Variants in DCC observed in about 807,000 individuals in gnomAD.
DCC encodes DCC netrin 1 receptor, also known as netrin receptor DCC.
Under a neutral mutation model 172.5 loss-of-function variants are expected in DCC, and 58 were observed. The observed-to-expected ratio is 0.34, with a 90% CI of 0.27 to 0.42. DCC has a LOEUF of 0.42. DCC is among the 10% of genes least tolerant of loss of function. The pLI, the probability that DCC is intolerant of heterozygous loss-of-function variation, is 1.00. For synonymous variants in DCC, 709 were observed against 644.5 expected, an observed-to-expected ratio of 1.10 and a Z score of -1.52; for missense variants, 1,740 against 1,791.0, an observed-to-expected ratio of 0.97 and a Z score of 0.51.
intron 28 of DCC, among the ~76,000 whole-genome samples, chr18:53,527,332 C>T (rs1027851015): frequency 2.0e-5 from 3 of 151,584 alleles, no homozygotes; most frequent in African/African-American, 7.3e-5. Context: ...AGTTCTCCTG[C>T]CTCAATTTCC....
In DCC at chr18:52,750,583, T is replaced by G. The variant is rs997560033; in HGVS notation, c.92-1471T>G. Among the ~76,000 whole-genome samples the G allele has an allele frequency of 2.8e-4, 42 of 152,286 alleles. 1 individual carries two copies. Among genetic ancestry groups the G allele is most frequent in the Non-Finnish European group, 4.6e-4 (31 of 68,014 alleles). ...GACAGTGAGCGACACAAGACATCAT[T>G]GGGCAGAATAACAGACTTCAAACGT... On this transcript the variant is annotated intron_variant, in intron 1 of 28. Coordinates refer to ENST00000442544, the MANE Select transcript of DCC (RefSeq NM_005215.4).
intron 5 of DCC, among the ~76,000 whole-genome samples, chr18:53,018,638 T>G (rs1191953659): frequency 6.6e-6 from 1 of 152,290 alleles, no homozygotes; most frequent in East Asian, 1.9e-4. Context: ...GGGTTTATTA[T>G]GTTGCATAGA....
At chr18:53,417,406 A>G (rs1910378069) in intron 21 of DCC, among the ~76,000 whole-genome samples, 1 of 152,102 alleles carries the variant, frequency 6.6e-6, no homozygotes, top group South Asian at 2.1e-4. Context: ...ACTTGCTTCC[A>G]CTGAAAATGT....
At chr18:52,662,890 C>G (rs1321285715) in intron 1 of DCC, among the ~76,000 whole-genome samples, 1 of 152,110 alleles carries the variant, frequency 6.6e-6, no homozygotes, top group Non-Finnish European at 1.5e-5. Context: ...GACAATGCAA[C>G]TCACTGGGTT....
At chr18:52,978,146 T>C (rs1005964994) in intron 5 of DCC, among the ~76,000 whole-genome samples, 4 of 152,062 alleles carry the variant, frequency 2.6e-5, no homozygotes, top group African/African-American at 9.7e-5. Flanking sequence ...ATCTTAATGA[T>C]GATGGTTTTG....
At chr18:53,044,983 T>C (rs2144013569) in intron 5 of DCC, among the ~76,000 whole-genome samples, 1 of 151,942 alleles carries the variant, frequency 6.6e-6, no homozygotes, top group African/African-American at 2.4e-5. Context: ...GTTTGACATA[T>C]GAACAGATAT....
chr18:52,667,617 T>C (rs2035478666), intron 1 of DCC, among the ~76,000 whole-genome samples: 1 of 152,236 alleles, frequency 6.6e-6, no homozygotes, highest in South Asian at 2.1e-4. Flanking sequence ...CACGATCTAC[T>C]AATTTATGCA....
At chr18:52,983,682 G>A (rs959492392) in intron 5 of DCC, among the ~76,000 whole-genome samples, 1 of 152,144 alleles carries the variant, frequency 6.6e-6, no homozygotes, top group Non-Finnish European at 1.5e-5. Context: ...AAAGACTTGG[G>A]AAGAAATCTT....
intron 1 of DCC, among the ~76,000 whole-genome samples, chr18:52,478,470 G>C (rs1448429192): frequency 6.6e-6 from 1 of 152,222 alleles, no homozygotes; most frequent in East Asian, 1.9e-4. Flanking sequence ...AGTGTTTACT[G>C]GGCACTTATT....
At chr18:52,445,331 G>C (rs145813625) in intron 1 of DCC, among the ~76,000 whole-genome samples, 2 of 152,078 alleles carry the variant, frequency 1.3e-5, no homozygotes, top group Admixed American at 6.5e-5. Flanking sequence ...GGAACAGCAG[G>C]CGTATTACCA....
chr18:53,351,557 T>C (rs1257380234), intron 15 of DCC, among the ~76,000 whole-genome samples: 6 of 144,932 alleles, frequency 4.1e-5, no homozygotes, highest in African/African-American at 1.5e-4. Flanking sequence ...TAGAGGTGTC[T>C]TCATCATTTT....
chr18:52,589,835 A>G (rs1168448233), intron 1 of DCC, among the ~76,000 whole-genome samples: 1 of 152,236 alleles, frequency 6.6e-6, no homozygotes, highest in Non-Finnish European at 1.5e-5. Flanking sequence ...TATTGCTGGT[A>G]GAGCCAACAT....
intron 2 of DCC, among the ~76,000 whole-genome samples, chr18:52,855,851 T>C (rs1348635233): frequency 6.7e-6 from 1 of 148,176 alleles, no homozygotes; most frequent in Admixed American, 7.0e-5. Flanking sequence ...CTGCAACCTC[T>C]GCTTCCTGGG....
rs2054757292 is a variant in DCC, at chr18:53,157,369, C to T, written c.1275C>T (p.Ser425=). The T allele has an allele frequency of 3.1e-6, 5 of 1,613,964 alleles. No homozygotes were observed. Among genetic ancestry groups the T allele is most frequent in the South Asian group, 2.2e-5 (2 of 91,086 alleles). The change falls in exon 8 of 29, where the codon TCC becomes TCT. Residue 425 remains serine, a synonymous_variant. Transcript: ENST00000442544. Reference sequence around the variant, plus strand: ...CTTTCTCCTTAGCTATCCCAAGCTCCAGTGTCCTCCCTTCGGCTCCCAGAG... The same window carrying T: ...CTTTCTCCTTAGCTATCCCAAGCTCTAGTGTCCTCCCTTCGGCTCCCAGAG... ...LIVPKPAIPS[S]SVLPSAPRDV...
chr18:52,442,124 C>T (rs1229767106), intron 1 of DCC, among the ~76,000 whole-genome samples: 1 of 152,072 alleles, frequency 6.6e-6, no homozygotes, highest in Admixed American at 6.5e-5. Flanking sequence ...TTTTTTTATG[C>T]CTCTGTCCCT....
In DCC at chr18:53,437,582, CAAAAAAAAAAAAAAA is replaced by C. The variant is rs74180424; in HGVS notation, c.3229+2387_3229+2401del. On this transcript the variant is annotated intron_variant, in intron 22 of 28. Transcript: ENST00000442544. ...TGGGCAACAGAGCAAGGCTCCATCT[CAAAAAAAAAAAAAAA>C]AAAAAAAAAAAAAGCTCACAGAAGG... Among the ~76,000 whole-genome samples the C allele has an allele frequency of 4.1e-3, 85 of 20,832 alleles. 1 individual carries two copies. The highest frequency in any genetic ancestry group is 0.017 in the African/African-American group (79 of 4,718). The allele number at this position is 20,832 out of a possible 152,430, so 13.7% of individuals were successfully genotyped here.
At position 53,157,495 on chromosome 18, in the gene DCC, C is replaced by T. The variant is rs751157948; in HGVS notation, c.1401C>T (p.Ser467=). ...TTCAAACTTTCACGGTCTTTTTCTC[C>T]AGAGAAGGTGACAACAGGTAGGTGA... is the stretch of plus-strand genomic sequence containing the variant. The part of the protein sequence containing the change: ...GNIQTFTVFF[S]REGDNRERAL... The change falls in exon 8 of 29, where the codon TCC becomes TCT. Residue 467 remains serine (S), a synonymous_variant. Transcript: ENST00000442544. The T allele has an allele frequency of 2.5e-6, 4 of 1,613,918 alleles. No individual in the cohort carries two copies. The highest frequency in any genetic ancestry group is 1.1e-5 in the South Asian group (1 of 91,074).
chr18:53,243,556 G>C (rs1568387249), intron 12 of DCC, among the ~76,000 whole-genome samples: 1 of 152,078 alleles, frequency 6.6e-6, no homozygotes. Flanking sequence ...TTCCATATTA[G>C]TTTAATCAAA....
chr18:52,647,372 A>C (rs1233489049), intron 1 of DCC, among the ~76,000 whole-genome samples: 1 of 152,200 alleles, frequency 6.6e-6, no homozygotes, highest in African/African-American at 2.4e-5. Flanking sequence ...ACTTCTATTC[A>C]AAAACTACAG....
Sources: gnomAD v4.1 joint callset for allele counts (sites outside exome capture counted in the v4.1 genomes callset) on GRCh38, gnomAD v4.1.1 for gene constraint, MANE v1.5 for transcripts, NCBI Gene and HGNC (gene_info 2026-07-23, HGNC 2026-07-21) for gene names.